Variants in CSMD3 observed in about 807,000 individuals in gnomAD.
The protein encoded by CSMD3 is CUB and Sushi multiple domains 3, also known as CUB and sushi domain-containing protein 3.
CSMD3 carries 177 observed loss-of-function variants against 435.2 expected under a neutral mutation model. That is an observed-to-expected ratio of 0.41 (90% confidence interval 0.36 to 0.46). The LOEUF (loss-of-function observed/expected upper bound fraction) is 0.46, where lower values mean the gene tolerates loss of function less well. Among genes scored for constraint, CSMD3 ranks in the 20% least tolerant of loss-of-function variants. The probability of loss-of-function intolerance (pLI) is 0.34; values close to 1 mark genes in which losing one functional copy is unlikely to be tolerated. For missense variants in CSMD3, 4,265 were observed against 4,504.6 expected, an observed-to-expected ratio of 0.95 and a Z score of 1.52; for synonymous variants, 1,656 against 1,520.5, an observed-to-expected ratio of 1.09 and a Z score of -2.07.
chr8:113,382,758 T>A (rs1261331788), intron 1 of CSMD3, among the ~76,000 whole-genome samples: 1 of 152,018 alleles, frequency 6.6e-6, no homozygotes, highest in Admixed American at 6.6e-5. Flanking sequence ...GGTGAGAGGA[T>A]CACTTGAGGT....
At chr8:112,692,247 C>G (rs995109605) in intron 13 of CSMD3, among the ~76,000 whole-genome samples, 2 of 151,388 alleles carry the variant, frequency 1.3e-5, no homozygotes, top group Non-Finnish European at 2.9e-5. Context: ...ATATTTTCAG[C>G]CTTTCTTATT....
intron 24 of CSMD3, among the ~76,000 whole-genome samples, chr8:112,564,548 G>T (rs991032195): frequency 6.6e-6 from 1 of 152,024 alleles, no homozygotes; most frequent in Non-Finnish European, 1.5e-5. Context: ...AAAGTCAGAA[G>T]ACCACTGCTG....
rs1586665254 is a variant in CSMD3 at position 112,289,477 on chromosome 8, A to G, written c.9036T>C (p.Thr3012=). 2 of 1,613,096 alleles carry G rather than the reference A, an allele frequency of 1.2e-6. No individual in the cohort carries two copies. The highest frequency in any genetic ancestry group is 2.7e-5 in the African/African-American group (2 of 75,026). Residue 3012 remains threonine (T), a synonymous_variant, in exon 57 of 71, where the codon ACT becomes ACC. Transcript: ENST00000297405. ...AGGAATAGTGAACAGTAGACCCAAA[A>G]GTATACTTCTCGCCAGACAGGACTG... is the stretch of plus-strand genomic sequence containing the variant. ...PNAVLSGEKY[T]FGSTVHYSCT...
At chr8:113,147,044 AT>A (rs2091691684) in intron 4 of CSMD3, among the ~76,000 whole-genome samples, 1 of 151,702 alleles carries the variant, frequency 6.6e-6, no homozygotes, top group Non-Finnish European at 1.5e-5. Flanking sequence ...TGGAACTGAA[AT>A]ACAACATGCA....
At chr8:113,200,563 T>C (rs1480693435) in intron 3 of CSMD3, among the ~76,000 whole-genome samples, 1 of 151,712 alleles carries the variant, frequency 6.6e-6, no homozygotes, top group Admixed American at 6.6e-5. Flanking sequence ...TTCAGTTCCT[T>C]GAAACAAAGC....
chr8:112,629,665 T>C (rs1453162881), intron 22 of CSMD3, among the ~76,000 whole-genome samples: 2 of 152,152 alleles, frequency 1.3e-5, no homozygotes, highest in Non-Finnish European at 2.9e-5. Flanking sequence ...ACTTAAGAAA[T>C]TGTGACTTTA....
rs1278117761 is a variant in CSMD3 at position 113,334,293 on chromosome 8, TTTCA to T, written c.179-19504_179-19501del. 8.3e-4 allele frequency among the ~76,000 whole-genome samples: 78 copies of T among 93,514 alleles called. 1 individual carries two copies. Among genetic ancestry groups the T allele is most frequent in the Admixed American group, 2.8e-3 (23 of 8,144 alleles). The allele number at this position is 93,514 out of a possible 152,430, so 61.3% of individuals were successfully genotyped here. ...ATAGTTTAAGTTTTTTTTTTTTTTT[TTTCA>T]TTTCCAGCCTGTGTACCTGTTACAT... On this transcript the variant is annotated intron_variant, in intron 1 of 70. Coordinates refer to ENST00000297405, the MANE Select transcript of CSMD3 (RefSeq NM_198123.2).
intron 1 of CSMD3, among the ~76,000 whole-genome samples, chr8:113,342,293 C>T (rs1430223222): frequency 1.3e-5 from 2 of 152,056 alleles, no homozygotes; most frequent in African/African-American, 4.8e-5. Context: ...CCTATTGCTT[C>T]CTAGCTTCAA....
intron 6 of CSMD3, among the ~76,000 whole-genome samples, chr8:112,997,165 T>C (rs1464439197): frequency 6.6e-6 from 1 of 151,722 alleles, no homozygotes; most frequent in Non-Finnish European, 1.5e-5. Flanking sequence ...TGTTTAGTGA[T>C]AATGGTGAAA....
chr8:112,387,014 C>T (rs1258035018), intron 36 of CSMD3, among the ~76,000 whole-genome samples: 1 of 151,966 alleles, frequency 6.6e-6, no homozygotes, highest in East Asian at 1.9e-4. Context: ...ATAATGTAGC[C>T]AACATATTTT....
intron 13 of CSMD3, among the ~76,000 whole-genome samples, chr8:112,735,206 G>A (rs1015592395): frequency 1.3e-5 from 2 of 151,962 alleles, no homozygotes; most frequent in African/African-American, 2.4e-5. Context: ...TGTATATAGC[G>A]AAGTATGAGC....
intron 30 of CSMD3, among the ~76,000 whole-genome samples, chr8:112,497,924 C>A (rs1192709895): frequency 1.3e-5 from 2 of 151,904 alleles, no homozygotes; most frequent in Admixed American, 6.6e-5. Context: ...GAGATTGGAT[C>A]TCGAGAACAT....
rs755471454 is a variant in CSMD3 at position 113,019,096 on chromosome 8, C to G, written c.1001G>C (p.Arg334Pro). 6.2e-7 allele frequency: 1 copy of G among 1,612,440 alleles called. No individual in the cohort carries two copies. Among genetic ancestry groups the G allele is most frequent in the African/African-American group, 1.3e-5 (1 of 74,968 alleles). The change falls in exon 6 of 71, where the codon CGA (arginine) becomes CCA (proline). Residue 334 changes from arginine to proline, a missense_variant. Arg to Pro is a moderately radical substitution (Grantham distance 103, BLOSUM62 -2). Coordinates refer to ENST00000297405, the MANE Select transcript of CSMD3 (RefSeq NM_198123.2). Reference sequence around the variant, plus strand: ...ATAGGGAGCACTAAATCCACGGTATCGATGATTGCTGTCTGTAACAAAATG... The same window carrying G: ...ATAGGGAGCACTAAATCCACGGTATGGATGATTGCTGTCTGTAACAAAATG... ...RLHFVTDSNH[R>P]YRGFSAPYQG...
chr8:113,329,848 G>T (rs1035493697), intron 1 of CSMD3, among the ~76,000 whole-genome samples: 3 of 151,816 alleles, frequency 2.0e-5, no homozygotes, highest in East Asian at 3.9e-4. Context: ...AACCAAAAAG[G>T]CTCTCAAAAA....
At chr8:112,315,502 T>G (rs1488130539) in intron 47 of CSMD3, among the ~76,000 whole-genome samples, 3 of 151,796 alleles carry the variant, frequency 2.0e-5, no homozygotes, top group Non-Finnish European at 4.4e-5. Flanking sequence ...TGAAGTTCTG[T>G]GATGTGGAAA....
At chr8:113,292,158 G>C (rs1189057370) in intron 2 of CSMD3, among the ~76,000 whole-genome samples, 5 of 151,342 alleles carry the variant, frequency 3.3e-5, no homozygotes, top group Non-Finnish European at 1.5e-5. Flanking sequence ...TCTGAAATTT[G>C]GGTACAATTT....
rs2092393527 is a variant in CSMD3, at chr8:113,179,498, C to T, written c.515-5582G>A. ...TCCTCTCCGAATCATAAAGGAAATC[C>T]AAGGTCCAATCTTAACTTTCAGCAG... On this transcript the variant is annotated intron_variant, in intron 3 of 70. Transcript: ENST00000297405. Among the ~76,000 whole-genome samples the T allele has an allele frequency of 2.0e-5, 3 of 151,564 alleles. No homozygotes were observed. The South Asian group carries it at 6.2e-4, about 31-fold the overall frequency.
chr8:112,613,518 G>A (rs1407086708), intron 22 of CSMD3, among the ~76,000 whole-genome samples: 1 of 152,096 alleles, frequency 6.6e-6, no homozygotes. Context: ...TTTCAAAGAT[G>A]TGAACCAAAT....
At chr8:113,403,314 G>A (rs1196236415) in intron 1 of CSMD3, among the ~76,000 whole-genome samples, 1 of 151,030 alleles carries the variant, frequency 6.6e-6, no homozygotes, top group Non-Finnish European at 1.5e-5. Flanking sequence ...ACAGAACAAG[G>A]GTTTGTTTCA....
Sources: gnomAD v4.1 joint callset for allele counts (sites outside exome capture counted in the v4.1 genomes callset) on GRCh38, gnomAD v4.1.1 for gene constraint, MANE v1.5 for transcripts, NCBI Gene and HGNC (gene_info 2026-07-23, HGNC 2026-07-21) for gene names.